TBC1D15: variants seen among roughly 807,000 people sequenced by gnomAD.
The protein encoded by TBC1D15 is TBC1 domain family member 15.
Under a neutral mutation model 95.4 loss-of-function variants are expected in TBC1D15, and 39 were observed. That is an observed-to-expected ratio of 0.41 (90% CI 0.32 to 0.53). The LOEUF (loss-of-function observed/expected upper bound fraction) is 0.53. TBC1D15 is among the 20% of genes least tolerant of loss of function. TBC1D15 has a pLI of 0.29. For missense variants in TBC1D15, 733 were observed against 794.3 expected, an observed-to-expected ratio of 0.92 and a Z score of 0.93; for synonymous variants, 258 against 261.3, an observed-to-expected ratio of 0.99 and a Z score of 0.12.
intron 1 of TBC1D15, chr12:71,849,317 G>A: frequency 9.1e-7 from 1 of 1,099,996 alleles, no homozygotes; most frequent in Non-Finnish European, 1.4e-6. Flanking sequence ...ATCTTTTTAG[G>A]TAAGGAGGCT....
At chr12:71,855,868 A>G (rs556211130) in intron 1 of TBC1D15, among the ~76,000 whole-genome samples, 1 of 149,064 alleles carries the variant, frequency 6.7e-6, no homozygotes, top group African/African-American at 2.5e-5. Flanking sequence ...TCTACTTAGT[A>G]TTACTGGGTT....
chr12:71,841,476 T>G (rs934241105), intron 1 of TBC1D15, among the ~76,000 whole-genome samples: 4 of 152,224 alleles, frequency 2.6e-5, no homozygotes, highest in Non-Finnish European at 5.9e-5. Context: ...AATACTATCA[T>G]GACCAACAAA....
chr12:71,859,058 T>G (rs189336777), intron 1 of TBC1D15, among the ~76,000 whole-genome samples: 4 of 152,130 alleles, frequency 2.6e-5, no homozygotes, highest in African/African-American at 9.6e-5. Flanking sequence ...CATTGAGATT[T>G]TGATTTGTAT....
chr12:71,881,010 T>G (rs1039361509), intron 4 of TBC1D15, among the ~76,000 whole-genome samples: 2 of 152,222 alleles, frequency 1.3e-5, no homozygotes, highest in African/African-American at 4.8e-5. Context: ...TCTTCATGGC[T>G]CATTGCAGTT....
chr12:71,913,893 CT>C lies in TBC1D15; in HGVS notation c.1372del (p.Trp458GlyfsTer21). ...LYVMENEVDAFWCFASYMDQM... is the reference protein window; with the variant it reads ...LYVMENEVDAXWCFASYMDQM... ...ATGTGATGGAAAATGAAGTGGATGC[CT>C]TTTGGTGCTTTGCCTCTTACATGGA... On this transcript the variant is annotated frameshift_variant, in exon 12 of 17. Coordinates refer to ENST00000485960, the MANE Select transcript of TBC1D15 (RefSeq NM_001146213.3). LOFTEE classifies it high-confidence loss of function. 1 of 1,595,848 alleles carries C rather than the reference CT, an allele frequency of 6.3e-7. No homozygotes were observed.
chr12:71,922,444 G>A (rs1869785610), intron 16 of TBC1D15, among the ~76,000 whole-genome samples: 3 of 151,818 alleles, frequency 2.0e-5, no homozygotes, highest in Admixed American at 1.3e-4. Context: ...ACAACATGCA[G>A]GTTTGTTACA....
intron 1 of TBC1D15, among the ~76,000 whole-genome samples, chr12:71,859,596 A>G (rs1298474980): frequency 6.6e-6 from 1 of 150,476 alleles, no homozygotes; most frequent in Non-Finnish European, 1.5e-5. Flanking sequence ...TGGATCTTAC[A>G]TTTAAGCTTC....
chr12:71,865,217 G>A (rs768906811), intron 1 of TBC1D15, among the ~76,000 whole-genome samples: 3 of 152,210 alleles, frequency 2.0e-5, no homozygotes, highest in Non-Finnish European at 4.4e-5. Flanking sequence ...TGCTCTGGCT[G>A]TGTTGGATGT....
chr12:71,888,966 T>A (rs1896756661), intron 5 of TBC1D15, among the ~76,000 whole-genome samples: 1 of 152,080 alleles, frequency 6.6e-6, no homozygotes, highest in South Asian at 2.1e-4. Flanking sequence ...GCCCCTGCCT[T>A]AAGTTGCAGC....
chr12:71,894,295 C>T, intron 6 of TBC1D15: 1 of 1,606,172 alleles, frequency 6.2e-7, no homozygotes, highest in African/African-American at 1.3e-5. Context: ...TGGTGGTACA[C>T]ACTTCAAGAA....
chr12:71,855,333 C>T (rs1376199846), intron 1 of TBC1D15, among the ~76,000 whole-genome samples: 3 of 152,052 alleles, frequency 2.0e-5, no homozygotes, highest in African/African-American at 7.2e-5. Flanking sequence ...GTGTTTATCA[C>T]CAGTAATTTT....
At position 71,913,843 on chromosome 12, in the gene TBC1D15, A is replaced by C. The variant is rs370630241; in HGVS notation, c.1318A>C (p.Ser440Arg). 3 of 1,575,552 alleles carry C rather than the reference A, an allele frequency of 1.9e-6. No individual in the cohort carries two copies. Among genetic ancestry groups the C allele is most frequent in the Non-Finnish European group, 2.6e-6 (3 of 1,167,552 alleles). ...DFDLGYVQGMSDLLSPLLYVM... is the reference protein window; with the variant it reads ...DFDLGYVQGMRDLLSPLLYVM... ...CTTTTTAGGATATGTTCAAGGAATG[A>C]GTGATTTACTTTCCCCTCTTTTATA... The change falls in exon 12 of 17, where the codon AGT becomes CGT. Residue 440 changes from serine to arginine, a missense_variant. Coordinates refer to ENST00000485960, the MANE Select transcript of TBC1D15 (RefSeq NM_001146213.3).
chr12:71,920,577 C>T (rs998480802), intron 14 of TBC1D15, among the ~76,000 whole-genome samples, 154 bp from the exon 15 acceptor site: 60 of 152,086 alleles, frequency 3.9e-4, no homozygotes, highest in African/African-American at 1.4e-3. Context: ...TAAGACTCTC[C>T]TTCCCCTCAT....
Position 71,918,488 on chromosome 12 carries a change from G to C in TBC1D15, c.1539G>C (p.Arg513Ser). 6.2e-7 allele frequency: 1 copy of C among 1,607,976 alleles called. No individual in the cohort carries two copies. The highest frequency in any genetic ancestry group is 1.1e-5 in the South Asian group (1 of 89,644). The change falls in exon 14 of 17, where the codon AGG (arginine) becomes AGC (serine). Residue 513 changes from arginine to serine, a missense_variant. Transcript: ENST00000485960. ...QDSGYLYFCF[R>S]WLLIRFKREF... ...CTGGATACCTTTATTTTTGCTTCAG[G>C]TGGCTTTTAATCAGATTCAAAAGGG... is the stretch of plus-strand genomic sequence containing the variant.
rs116758023 is a variant in TBC1D15, at chr12:71,893,208, C to T, written c.555-14C>T. The T allele has an allele frequency of 1.0e-3, 1,570 of 1,534,248 alleles. 14 individuals are homozygous for T. In the African/African-American group the frequency reaches 0.02, roughly 20 times the overall value. On this transcript the variant is annotated splice_polypyrimidine_tract_variant and intron_variant, in intron 5 of 16. Coordinates refer to ENST00000485960, the MANE Select transcript of TBC1D15 (RefSeq NM_001146213.3). ...TGTGTTAGTATTTTCTACAAATCCT[C>T]TTTTTTATTATAGATCTCCACAGGA...
intron 1 of TBC1D15, among the ~76,000 whole-genome samples, chr12:71,842,497 A>G (rs1885262060): frequency 6.6e-6 from 1 of 152,280 alleles, no homozygotes; most frequent in South Asian, 2.1e-4. Flanking sequence ...ATTCTGGCAC[A>G]TAATAGGTAT....
intron 10 of TBC1D15, among the ~76,000 whole-genome samples, chr12:71,903,471 G>T (rs974768536): frequency 6.6e-6 from 1 of 152,106 alleles, no homozygotes; most frequent in Non-Finnish European, 1.5e-5. Context: ...ATTTCCCAAA[G>T]AACTTAAAAC....
At chr12:71,880,389 A>C in intron 3 of TBC1D15, 80 bp from the exon 4 acceptor site, 1 of 1,277,774 alleles carries the variant, frequency 7.8e-7, no homozygotes, top group Non-Finnish European at 1.1e-6. Context: ...CCTGCCTACA[A>C]ACATTGAAGC....
At chr12:71,869,207 A>G (rs1339457952) in intron 1 of TBC1D15, among the ~76,000 whole-genome samples, 7 of 152,072 alleles carry the variant, frequency 4.6e-5, no homozygotes, top group Non-Finnish European at 1.0e-4. Flanking sequence ...TTTCACCTAT[A>G]TGTGGAATAT....
Sources: allele counts gnomAD v4.1 joint callset (sites outside exome capture counted in the v4.1 genomes callset), GRCh38; gene constraint gnomAD v4.1.1; transcripts MANE v1.5; gene names NCBI Gene and HGNC (gene_info 2026-07-23, HGNC 2026-07-21).